The following SOX10 variants were observed in gnomAD, a reference collection of about 807,000 sequenced individuals.
The protein encoded by SOX10 is SRY-box transcription factor 10, also known as transcription factor SOX-10.
In SOX10, 3 loss-of-function variants were observed where a neutral mutation model predicts 35.0. That is an observed-to-expected ratio of 0.09 (90% CI 0.04 to 0.22). SOX10 has a LOEUF of 0.22. Among genes scored for constraint, SOX10 ranks in the 10% least tolerant of loss-of-function variants. The probability of loss-of-function intolerance (pLI) is 1.00; values close to 1 mark genes in which losing one functional copy is unlikely to be tolerated. For synonymous variants in SOX10, 285 were observed against 291.0 expected, an observed-to-expected ratio of 0.98 and a Z score of 0.21; for missense variants, 436 against 655.1, an observed-to-expected ratio of 0.67 and a Z score of 3.65.
Position 37,978,245 on chromosome 22 carries a change from G to C in SOX10, c.429-110C>G, listed in dbSNP as rs1332423519. 12 of 1,227,994 alleles carry C rather than the reference G, an allele frequency of 9.8e-6. No individual in the cohort carries two copies. The highest frequency in any genetic ancestry group is 1.2e-5 in the Non-Finnish European group (11 of 910,798). 76.1% of individuals were successfully genotyped at this position (1,227,994 alleles called of 1,614,324 possible). A position where few individuals can be genotyped will look rare whatever the true frequency, so the allele number is the denominator to read the frequency against. On this transcript the variant is annotated intron_variant, in intron 2 of 3. Coordinates refer to ENST00000396884, the MANE Select transcript of SOX10 (RefSeq NM_006941.4). This position sits in a 1 kb window ranked among gnomAD's most constrained non-coding sequence, Gnocchi z 5.0. The stretch of plus-strand genomic sequence containing the variant: ...CCATCTTGGAAGATGTGAGGCCCTG[G>C]GATGGGGCACCCAGAGGACAGGACC...
chr22:37,981,332 AC>A (rs1932390180), intron 2 of SOX10, among the ~76,000 whole-genome samples: 1 of 152,094 alleles, frequency 6.6e-6, no homozygotes, highest in Non-Finnish European at 1.5e-5. Flanking sequence ...CCAGGGAGCC[AC>A]CCTCTGTTGG....
rs1426039557 is a variant in SOX10 at position 37,980,413 on chromosome 22, A to G, written c.429-2278T>C. ...CATCAGCAAGAAAGTGACAGGGGCCAGAAGAGAGAGAGGATTCCAACATCG... is the reference window on the plus strand; with the variant it reads ...CATCAGCAAGAAAGTGACAGGGGCCGGAAGAGAGAGAGGATTCCAACATCG... On this transcript the variant is annotated intron_variant, in intron 2 of 3. Transcript: ENST00000396884. This position sits in a 1 kb window ranked among gnomAD's most constrained non-coding sequence, Gnocchi z 4.1. Among the ~76,000 whole-genome samples, 1 of 152,162 alleles carries G rather than the reference A, an allele frequency of 6.6e-6. No homozygotes were observed. The highest frequency in any genetic ancestry group is 6.5e-5 in the Admixed American group (1 of 15,268).
At chr22:37,982,766 C>T (rs1396394707) in intron 2 of SOX10, among the ~76,000 whole-genome samples, 1 of 152,064 alleles carries the variant, frequency 6.6e-6, no homozygotes, top group African/African-American at 2.4e-5. Flanking sequence ...GAAGAAGCCC[C>T]CAACTCAAAG....
chr22:37,982,739 C>A (rs73415873), intron 2 of SOX10, among the ~76,000 whole-genome samples: 5,263 of 152,044 alleles, frequency 0.035, 295 homozygotes, highest in African/African-American at 0.12. Flanking sequence ...TACTGTGTGT[C>A]CTCTCCCTAG....
chr22:37,973,774 G>A lies in SOX10; in HGVS notation c.1122C>T (p.Ser374=). ...QGPPHYTDQP[S]TSQIAYTSLS... Reference sequence around the variant, plus strand: ...GGGAGGTGTAGGCGATCTGTGAGGTGGATGGCTGGTCGGTGTAGTGTGGGG... The same window carrying A: ...GGGAGGTGTAGGCGATCTGTGAGGTAGATGGCTGGTCGGTGTAGTGTGGGG... Residue 374 remains serine, a synonymous_variant, in exon 4 of 4, where the codon TCC becomes TCT. Transcript: ENST00000396884. 1 of 1,595,776 alleles carries A rather than the reference G, an allele frequency of 6.3e-7. No homozygotes were observed. The highest frequency in any genetic ancestry group is 8.6e-7 in the Non-Finnish European group (1 of 1,168,516).
At position 37,983,794 on chromosome 22, in the gene SOX10, GGCCGCCGCC is replaced by G. The variant is rs762578400; in HGVS notation, c.-19_-11del. 3.5e-5 allele frequency: 50 copies of G among 1,419,890 alleles called. No individual in the cohort carries two copies. The highest frequency in any genetic ancestry group is 1.6e-4 in the South Asian group (12 of 75,118). The allele number at this position is 1,419,890 out of a possible 1,614,324, so 88.0% of individuals were successfully genotyped here. A position where few individuals can be genotyped will look rare whatever the true frequency, so the allele number is the denominator to read the frequency against. ...CCTGCTCCTCCGCCATGTCGCCCCCGGCCGCCGCCGCCGCCGCCTCGGCCGCCTCCCCCG... is the reference window on the plus strand; with the variant it reads ...CCTGCTCCTCCGCCATGTCGCCCCCGGCCGCCGCCTCGGCCGCCTCCCCCG... On this transcript the variant is annotated 5_prime_UTR_variant, in exon 2 of 4. Coordinates refer to ENST00000396884, the MANE Select transcript of SOX10 (RefSeq NM_006941.4). This position sits in a 1 kb window ranked among gnomAD's most constrained non-coding sequence, Gnocchi z 9.5.
chr22:37,976,689 T>C (rs1932230603), intron 3 of SOX10, among the ~76,000 whole-genome samples: 1 of 152,208 alleles, frequency 6.6e-6, no homozygotes, highest in African/African-American at 2.4e-5. Context: ...TTGCCACAGC[T>C]GAGATCTGAG....
In SOX10 at chr22:37,978,407, CCT is replaced by C. The variant is rs1932291445; in HGVS notation, c.429-274_429-273del. 6.6e-6 allele frequency among the ~76,000 whole-genome samples: 1 copy of C among 152,148 alleles called. No homozygotes were observed. The highest frequency in any genetic ancestry group is 1.5e-5 in the Non-Finnish European group (1 of 68,022). On this transcript the variant is annotated intron_variant, in intron 2 of 3. Transcript: ENST00000396884. The surrounding 1 kb of genome is among the most constrained non-coding windows in gnomAD (Gnocchi z 5.0). Reference sequence around the variant, plus strand: ...GGTCAGCCCGCTGCTCCTGGCAGCCCCTGAGGAGGAGTTAGAAGTAGGAGTAG... The same window carrying C: ...GGTCAGCCCGCTGCTCCTGGCAGCCCGAGGAGGAGTTAGAAGTAGGAGTAG...
chr22:37,981,144 CTG>C (rs1400491909), intron 2 of SOX10, among the ~76,000 whole-genome samples: 3 of 152,346 alleles, frequency 2.0e-5, no homozygotes, highest in Admixed American at 1.3e-4. Context: ...TCCACACAGT[CTG>C]TGTGTATCTT....
rs537148644 is a variant in SOX10, at chr22:37,983,259, C to T, written c.428+98G>A. The T allele has an allele frequency of 3.3e-5, 45 of 1,369,140 alleles. No homozygotes were observed. The African/African-American group carries it at 5.7e-4, about 17-fold the overall frequency. The allele number at this position is 1,369,140 out of a possible 1,614,324, so 84.8% of individuals were successfully genotyped here. A position where few individuals can be genotyped will look rare whatever the true frequency, so the allele number is the denominator to read the frequency against. ...GCCCTATCCAAGGAGGACTGCCAGA[C>T]AGTCCCGCTCTGAGGTGCAGGAGGC... is the stretch of plus-strand genomic sequence containing the variant. On this transcript the variant is annotated intron_variant, in intron 2 of 3. Transcript: ENST00000396884. This position sits in a 1 kb window ranked among gnomAD's most constrained non-coding sequence, Gnocchi z 9.5.
At chr22:37,981,994 A>G (rs1932412286) in intron 2 of SOX10, among the ~76,000 whole-genome samples, 1 of 152,132 alleles carries the variant, frequency 6.6e-6, no homozygotes, top group Admixed American at 6.5e-5. Context: ...TGCACCTTCT[A>G]CCACTCTAAG....
rs1411745220 is a variant in SOX10, at chr22:37,983,380, G to A, written c.405C>T (p.Ser135=). 3 of 1,609,248 alleles carry A rather than the reference G, an allele frequency of 1.9e-6. No individual in the cohort carries two copies. Among genetic ancestry groups the A allele is most frequent in the Non-Finnish European group, 2.5e-6 (3 of 1,178,640 alleles). Residue 135 remains serine, a synonymous_variant, in exon 2 of 4, where the codon AGC becomes AGT. Transcript: ENST00000396884. This position sits in a 1 kb window ranked among gnomAD's most constrained non-coding sequence, Gnocchi z 9.5. ...ACCTCCAGAGCTTGCCCAGCGTCTT[G>A]CTGAGCTCAGCGTTGTGCAGGTGCG... is the stretch of plus-strand genomic sequence containing the variant. ...QYPHLHNAEL[S]KTLGKLWRLL...
chr22:37,981,978 TCCTCCTGCACCTTCTACCACTCTAAG>T (rs1307159222), intron 2 of SOX10, among the ~76,000 whole-genome samples: 4 of 152,098 alleles, frequency 2.6e-5, no homozygotes, highest in African/African-American at 9.7e-5. Context: ...CTCTTGGAGA[TCCTCCTGCACCTTCTACCACTCTAAG>T]CCTCTAGACC....
Position 37,984,500 on chromosome 22 carries a change from C to T in SOX10, c.-246G>A, listed in dbSNP as rs1932511288. 1 of 152,750 alleles carries T rather than the reference C, an allele frequency of 6.5e-6. No homozygotes were observed. The highest frequency in any genetic ancestry group is 1.5e-5 in the Non-Finnish European group (1 of 68,242). The allele number at this position is 152,750 out of a possible 1,614,324, so 9.5% of individuals were successfully genotyped here. A position where few individuals can be genotyped will look rare whatever the true frequency, so the allele number is the denominator to read the frequency against. On this transcript the variant is annotated 5_prime_UTR_variant, in exon 1 of 4. Transcript: ENST00000396884. The surrounding 1 kb of genome is among the most constrained non-coding windows in gnomAD (Gnocchi z 4.4). Reference sequence around the variant, plus strand: ...GGCCACGGCCTCGTTAGGACGGAGCCTGAATCCTTACCACCAACCACCCTG... The same window carrying T: ...GGCCACGGCCTCGTTAGGACGGAGCTTGAATCCTTACCACCAACCACCCTG...
At chr22:37,976,579 C>T (rs1273380903) in intron 3 of SOX10, among the ~76,000 whole-genome samples, 2 of 152,168 alleles carry the variant, frequency 1.3e-5, no homozygotes, top group African/African-American at 4.8e-5. Context: ...ACTTTCTGTA[C>T]ATTAGGAACA....
chr22:37,973,623 A>T lies in SOX10; in HGVS notation c.1273T>A (p.Phe425Ile). The T allele has an allele frequency of 1.2e-6, 2 of 1,613,660 alleles. No homozygotes were observed. The highest frequency in any genetic ancestry group is 1.7e-6 in the Non-Finnish European group (2 of 1,179,828). The change falls in exon 4 of 4, where the codon TTC becomes ATC. Residue 425 changes from phenylalanine to isoleucine, a missense_variant. Around this residue, in one of 3 missense-constraint regions of SOX10, gnomAD observed 285 missense variants for 402.9 expected, o/e 0.71. Transcript: ENST00000396884. Reference protein sequence around the residue: ...SGQASGLYSAFSYMGPSQRPL... With the variant: ...SGQASGLYSAISYMGPSQRPL... Reference sequence around the variant, plus strand: ...CGCTGCGAGGGCCCCATATAGGAGAAGGCCGAGTAGAGGCCAGAGGCCTGG... The same window carrying T: ...CGCTGCGAGGGCCCCATATAGGAGATGGCCGAGTAGAGGCCAGAGGCCTGG...
In SOX10 at chr22:37,974,261, G is replaced by A; in HGVS notation, c.698-63C>T. On this transcript the variant is annotated intron_variant, in intron 3 of 3. Coordinates refer to ENST00000396884, the MANE Select transcript of SOX10 (RefSeq NM_006941.4). The surrounding 1 kb of genome is among the most constrained non-coding windows in gnomAD (Gnocchi z 5.4). ...GGAAGCAGGTTAGAGGCAGGTGGGC[G>A]CACGTGAACTTCCATGGTTCACCTT... The A allele has an allele frequency of 2.3e-6, 3 of 1,284,962 alleles. No homozygotes were observed. Among genetic ancestry groups the A allele is most frequent in the East Asian group, 2.3e-5 (1 of 42,918 alleles). 79.6% of individuals were successfully genotyped at this position (1,284,962 alleles called of 1,614,324 possible).
At chr22:37,977,645 CTT>C (rs1454408005) in intron 3 of SOX10, among the ~76,000 whole-genome samples, 1 of 152,090 alleles carries the variant, frequency 6.6e-6, no homozygotes, top group Non-Finnish European at 1.5e-5. Flanking sequence ...AACTGGCCCT[CTT>C]TGCCCAGTAG....
chr22:37,973,468 CG>C lies in SOX10; in HGVS notation c.*26del. ...ACACAGGCTGGGGGCAGGGGCTGGG[CG>C]GGGGGTGGTGGCGACAGGGCCCCCT... On this transcript the variant is annotated 3_prime_UTR_variant, in exon 4 of 4. Transcript: ENST00000396884. The C allele has an allele frequency of 6.3e-6, 9 of 1,420,308 alleles. No homozygotes were observed. Among genetic ancestry groups the C allele is most frequent in the Non-Finnish European group, 3.9e-6 (4 of 1,038,090 alleles). The allele number at this position is 1,420,308 out of a possible 1,614,324, so 88.0% of individuals were successfully genotyped here.
Sources: allele counts gnomAD v4.1 joint callset (sites outside exome capture counted in the v4.1 genomes callset), GRCh38; gene constraint gnomAD v4.1.1; regional missense constraint gnomAD v4.1.1; non-coding constraint Gnocchi (gnomAD v3.1); transcripts MANE v1.5; gene names NCBI Gene and HGNC (gene_info 2026-07-23, HGNC 2026-07-21).